The following MAP3K15 variants were observed in gnomAD, a reference collection of about 807,000 sequenced individuals.
The protein encoded by MAP3K15 is mitogen-activated protein kinase kinase kinase 15.
A neutral mutation model predicts 99.5 loss-of-function variants in MAP3K15; 124 were observed. That is an observed-to-expected ratio of 1.25 (90% CI 1.08 to 1.45). MAP3K15 has a LOEUF of 1.45. Among genes scored for constraint, MAP3K15 ranks in the 40% most tolerant of loss-of-function variants. MAP3K15 has a pLI of 0.00. For synonymous variants in MAP3K15, 494 were observed against 439.6 expected (o/e 1.12, Z -1.55); for missense variants, 1,242 against 1,079.7 (o/e 1.15, Z -2.11).
intron 6 of MAP3K15, among the ~76,000 whole-genome samples, chrX:19,454,744 A>T (rs914023205): frequency 3.6e-5 from 4 of 111,940 alleles, no homozygotes; most frequent in African/African-American, 1.3e-4. Flanking sequence ...CTCGCTCAAA[A>T]CTATATATAC....
chrX:19,488,599 C>T (rs897130471), intron 2 of MAP3K15, among the ~76,000 whole-genome samples: 6 of 111,387 alleles, frequency 5.4e-5, no homozygotes, highest in South Asian at 3.8e-4. Context: ...ACTTCCCTAA[C>T]GAGCCCGGAA....
At chrX:19,372,534 A>T in intron 22 of MAP3K15, 119 bp downstream of exon 22, 1 of 604,688 alleles carries the variant, frequency 1.7e-6, no homozygotes, top group Non-Finnish European at 2.6e-6. Flanking sequence ...TACAGTGATC[A>T]CCGTAACTAT....
At chrX:19,473,653 G>A (rs771773525) in intron 3 of MAP3K15, among the ~76,000 whole-genome samples, 1 of 111,912 alleles carries the variant, frequency 8.9e-6, no homozygotes, top group South Asian at 3.7e-4. Context: ...AGTGAAGTCA[G>A]AGGCCCAAGG....
At position 19,514,317 on chromosome X, in the gene MAP3K15, A is replaced by C. The variant is rs753723509; in HGVS notation, c.361+584T>G. 2.8e-5 allele frequency among the ~76,000 whole-genome samples: 3 copies of C among 106,113 alleles called. No individual in the cohort carries two copies. The East Asian group carries it at 9.1e-4, about 32-fold the overall frequency. The allele number at this position is 106,113 out of a possible 115,157, so 92.1% of individuals were successfully genotyped here. On this transcript the variant is annotated intron_variant, in intron 1 of 28. Transcript: ENST00000338883. ...GGCCGTAAGAGACCTTCCAGGAATG[A>C]GAAAGCAAAAGTTGGATAACTTGGG...
At chrX:19,466,241 C>T (rs868463012) in intron 3 of MAP3K15, among the ~76,000 whole-genome samples, 4 of 111,909 alleles carry the variant, frequency 3.6e-5, no homozygotes, top group African/African-American at 1.3e-4. Flanking sequence ...AAATTAAATG[C>T]CATTTACATA....
chrX:19,405,840 T>C (rs2063644196), intron 13 of MAP3K15, among the ~76,000 whole-genome samples: 1 of 112,636 alleles, frequency 8.9e-6, no homozygotes, highest in South Asian at 3.6e-4. Context: ...TGAGAAATTC[T>C]GTGTGAAACG....
intron 3 of MAP3K15, among the ~76,000 whole-genome samples, chrX:19,483,662 T>C (rs16997314): frequency 9.0e-6 from 1 of 111,207 alleles, no homozygotes; most frequent in African/African-American, 3.3e-5. Flanking sequence ...TGGGGTCGTA[T>C]GATCCAGGTG....
At chrX:19,402,085 C>T (rs111494530) in intron 13 of MAP3K15, among the ~76,000 whole-genome samples, 2,856 of 108,988 alleles carry the variant, frequency 0.026, 92 homozygotes, top group African/African-American at 0.088. Flanking sequence ...GCCAGGAGTT[C>T]GAGACCAACC....
At chrX:19,405,510 G>A (rs757988967) in intron 13 of MAP3K15, among the ~76,000 whole-genome samples, 6 of 112,413 alleles carry the variant, frequency 5.3e-5, no homozygotes, top group Admixed American at 1.9e-4. Context: ...CTATGCAGAC[G>A]TGACAACTCA....
chrX:19,416,652 G>T (rs1015851238), intron 9 of MAP3K15, among the ~76,000 whole-genome samples: 3 of 112,153 alleles, frequency 2.7e-5, no homozygotes, highest in African/African-American at 9.7e-5. Flanking sequence ...GATAAATGAA[G>T]CCAGCCTAAA....
intron 9 of MAP3K15, among the ~76,000 whole-genome samples, chrX:19,420,228 CA>C (rs775144029): frequency 3.6e-5 from 4 of 110,894 alleles, no homozygotes; most frequent in Admixed American, 9.6e-5. Context: ...AAAAACCCTT[CA>C]AAAAAATCAA....
chrX:19,486,688 G>T (rs994552753), intron 2 of MAP3K15, among the ~76,000 whole-genome samples, 183 bp from the exon 3 acceptor site: 2 of 111,175 alleles, frequency 1.8e-5, no homozygotes, highest in African/African-American at 6.5e-5. Context: ...CAAACACAAT[G>T]AACCTCTGAA....
intron 6 of MAP3K15, among the ~76,000 whole-genome samples, chrX:19,445,728 C>T (rs1324697932): frequency 9.1e-6 from 1 of 109,789 alleles, no homozygotes; most frequent in Non-Finnish European, 1.9e-5. Flanking sequence ...GGATCACCCT[C>T]ATGAGGTCAG....
intron 9 of MAP3K15, among the ~76,000 whole-genome samples, chrX:19,420,237 C>G (rs781394542): frequency 6.2e-4 from 69 of 111,314 alleles, no homozygotes; most frequent in Non-Finnish European, 9.1e-4. Flanking sequence ...TCAAAAAAAT[C>G]AATGAATCCA....
chrX:19,495,825 T>C (rs748833849), intron 1 of MAP3K15, among the ~76,000 whole-genome samples: 8 of 111,556 alleles, frequency 7.2e-5, no homozygotes, highest in African/African-American at 2.3e-4. Flanking sequence ...TTCATCACTT[T>C]AAATGCTATC....
chrX:19,464,446 T>C (rs1387375344), intron 3 of MAP3K15, 40 bp from the exon 4 acceptor site: 9 of 1,082,632 alleles, frequency 8.3e-6, no homozygotes, highest in South Asian at 2.1e-5. Context: ...AAGTAACTTA[T>C]GTGGAAGTGT....
chrX:19,425,591 T>C lies in MAP3K15; in HGVS notation c.1379A>G (p.His460Arg), dbSNP rs747430129. ...TGCCTGGACGGCTTTCCCGACATCA[T>C]GGGCCAGCATGCTGACGCTGAAGAA... ...GQFFSVSMLA[H>R]DVGKAVQAAE... is the part of the protein sequence containing the mutation. Residue 460 changes from histidine to arginine, a missense_variant, in exon 9 of 29, where the codon CAT becomes CGT. Physicochemically the swap from His to Arg is conservative, Grantham distance 29 (BLOSUM62 0). Transcript: ENST00000338883. 5 of 1,197,938 alleles carry C rather than the reference T, an allele frequency of 4.2e-6. No individual in the cohort carries two copies. In the South Asian group the frequency reaches 8.8e-5, roughly 21 times the overall value.
chrX:19,455,022 C>G (rs2064081860), intron 6 of MAP3K15, among the ~76,000 whole-genome samples: 2 of 111,564 alleles, frequency 1.8e-5, no homozygotes, highest in Admixed American at 1.9e-4. Context: ...CCAACTTAAG[C>G]CTAAAGCAAA....
intron 13 of MAP3K15, among the ~76,000 whole-genome samples, chrX:19,401,386 G>A (rs193105356): frequency 5.4e-4 from 59 of 109,812 alleles, no homozygotes; most frequent in African/African-American, 1.7e-3. Flanking sequence ...TTTTGTAGAC[G>A]GGGTCTCACT....
Sources: allele counts gnomAD v4.1 joint callset (sites outside exome capture counted in the v4.1 genomes callset), GRCh38; gene constraint gnomAD v4.1.1; transcripts MANE v1.5; gene names NCBI Gene and HGNC (gene_info 2026-07-23, HGNC 2026-07-21).